Variants in RASSF8 observed in about 807,000 individuals in gnomAD.
RASSF8 encodes the protein Ras association domain family member 8.
RASSF8 carries 22 observed loss-of-function variants against 48.5 expected under a neutral mutation model. The ratio of observed to expected loss-of-function variants is 0.45; its 90% CI spans 0.32 to 0.65. The LOEUF is 0.65. Ranked by LOEUF, RASSF8 falls within the 30% of genes least tolerant of loss-of-function variation. The probability of loss-of-function intolerance (pLI) is 0.03; values close to 1 mark genes in which losing one functional copy is unlikely to be tolerated. For synonymous variants in RASSF8, 127 were observed against 171.5 expected (o/e 0.74, Z 2.03); for missense variants, 418 against 489.2 (o/e 0.85, Z 1.37).
chr12:26,055,300 C>T lies in RASSF8; in HGVS notation c.-44C>T. ...GCAGCTAGAGACATGACCTAACACCCTGATGACCACTCTCAGGGACCTTGA... is the reference window on the plus strand; with the variant it reads ...GCAGCTAGAGACATGACCTAACACCTTGATGACCACTCTCAGGGACCTTGA... On this transcript the variant is annotated 5_prime_UTR_variant, in exon 3 of 6. Transcript: ENST00000689635. 1 of 1,509,876 alleles carries T rather than the reference C, an allele frequency of 6.6e-7. No individual in the cohort carries two copies. The highest frequency in any genetic ancestry group is 9.2e-7 in the Non-Finnish European group (1 of 1,085,138). 93.5% of individuals were successfully genotyped at this position (1,509,876 alleles called of 1,614,324 possible). A position where few individuals can be genotyped will look rare whatever the true frequency, so the allele number is the denominator to read the frequency against.
At chr12:26,078,920 AAGAC>A in intron 5 of RASSF8, 1 of 1,004,214 alleles carries the variant, frequency 1.0e-6, no homozygotes, top group Non-Finnish European at 1.3e-6. Flanking sequence ...GCTAACCGAA[AAGAC>A]AAAGACCCAA....
At chr12:26,079,665 A>G (rs1944101207) in exon 6 of RASSF8, 1 of 152,180 alleles carries the variant, frequency 6.6e-6, no homozygotes, top group Admixed American at 6.6e-5. Context: ...AGTGCTCAAC[A>G]TCACTGATCA....
intron 2 of RASSF8, among the ~76,000 whole-genome samples, chr12:26,032,115 A>G (rs753607036): frequency 2.0e-5 from 3 of 152,154 alleles, no homozygotes; most frequent in Non-Finnish European, 4.4e-5. Flanking sequence ...GGAATTTTCC[A>G]TTGAGCTTGC....
At chr12:26,074,263 G>A (rs1237015258), downstream of RASSF8, among the ~76,000 whole-genome samples, 2 of 152,124 alleles carry the variant, frequency 1.3e-5, no homozygotes, top group East Asian at 1.9e-4. Flanking sequence ...TGCTGGATGC[G>A]TTTATACTTT....
intron 2 of RASSF8, among the ~76,000 whole-genome samples, chr12:26,037,039 G>A (rs1943168035): frequency 6.6e-6 from 1 of 152,106 alleles, no homozygotes; most frequent in African/African-American, 2.4e-5. Flanking sequence ...ACTATTAACA[G>A]TATTGGTTGG....
chr12:25,981,621 A>G (rs979941952), intron 1 of RASSF8, among the ~76,000 whole-genome samples: 1 of 152,244 alleles, frequency 6.6e-6, no homozygotes, highest in Non-Finnish European at 1.5e-5. Flanking sequence ...GTCACCCTGC[A>G]TAATGTTAAT....
intron 2 of RASSF8, among the ~76,000 whole-genome samples, chr12:26,015,846 C>G (rs1375309585): frequency 1.6e-5 from 2 of 127,396 alleles, no homozygotes; most frequent in Non-Finnish European, 3.7e-5. Flanking sequence ...TCTCTTTTTT[C>G]TTTATTGATA....
In RASSF8 at chr12:26,020,129, T is replaced by C. The variant is rs147920757; in HGVS notation, c.-109+24999T>C. 2.2e-4 allele frequency: 33 copies of C among 152,276 alleles called. 1 individual carries two copies. The highest frequency in any genetic ancestry group is 7.5e-4 in the African/African-American group (31 of 41,550). The allele number at this position is 152,276 out of a possible 1,614,324, so 9.4% of individuals were successfully genotyped here. A position where few individuals can be genotyped will look rare whatever the true frequency, so the allele number is the denominator to read the frequency against. On this transcript the variant is annotated intron_variant, in intron 2 of 5. Transcript: ENST00000689635. ...AAGAGGGACTTACCCTGAATTATCT[T>C]GGTGGGTCCTTACAGGAGAGTGGTA...
intron 1 of RASSF8, among the ~76,000 whole-genome samples, chr12:25,974,507 T>C (rs1941559774): frequency 6.6e-6 from 1 of 152,128 alleles, no homozygotes; most frequent in South Asian, 2.1e-4. Flanking sequence ...CTTTTTTTTT[T>C]TTTTTTAAGC....
In RASSF8 at chr12:26,071,886, C is replaced by G; in HGVS notation, c.*3068C>G. On this transcript the variant is annotated 3_prime_UTR_variant, in exon 6 of 6. Transcript: ENST00000689635. The stretch of plus-strand genomic sequence containing the variant: ...TATAACAAGAACATGTAAGCACTTG[C>G]TTCCACAGCATAAATGTAATTTACA... 1 of 984,960 alleles carries G rather than the reference C, an allele frequency of 1.0e-6. No individual in the cohort carries two copies. Among genetic ancestry groups the G allele is most frequent in the Non-Finnish European group, 1.2e-6 (1 of 829,558 alleles). The allele number at this position is 984,960 out of a possible 1,614,324, so 61.0% of individuals were successfully genotyped here. A position where few individuals can be genotyped will look rare whatever the true frequency, so the allele number is the denominator to read the frequency against.
intron 2 of RASSF8, among the ~76,000 whole-genome samples, chr12:26,003,973 T>C (rs1351907283): frequency 2.0e-5 from 3 of 152,080 alleles, no homozygotes; most frequent in Non-Finnish European, 4.4e-5. Flanking sequence ...ACCCAGGAGT[T>C]TGAGACCAGA....
At chr12:26,058,536 GCGCACACACA>G (rs1565642252) in intron 3 of RASSF8, among the ~76,000 whole-genome samples, 1 of 83,426 alleles carries the variant, frequency 1.2e-5, no homozygotes, top group Admixed American at 1.3e-4. Flanking sequence ...GCACGCGCGC[GCGCACACACA>G]CACACACACA....
At chr12:26,002,664 A>C (rs1462654967) in intron 2 of RASSF8, among the ~76,000 whole-genome samples, 1 of 152,092 alleles carries the variant, frequency 6.6e-6, no homozygotes, top group East Asian at 1.9e-4. Context: ...AATTTCAGCT[A>C]CTCAGGAGGC....
At chr12:25,987,639 A>G (rs190247304) in intron 1 of RASSF8, among the ~76,000 whole-genome samples, 5 of 152,334 alleles carry the variant, frequency 3.3e-5, no homozygotes, top group East Asian at 1.9e-4. Flanking sequence ...AACATACATT[A>G]TGCAACAGCT....
Position 26,071,068 on chromosome 12 carries a change from C to G in RASSF8, c.*2250C>G. 1.0e-6 allele frequency: 1 copy of G among 982,344 alleles called. No homozygotes were observed. The highest frequency in any genetic ancestry group is 1.2e-6 in the Non-Finnish European group (1 of 827,218). The allele number at this position is 982,344 out of a possible 1,614,324, so 60.9% of individuals were successfully genotyped here. On this transcript the variant is annotated 3_prime_UTR_variant, in exon 6 of 6. Coordinates refer to ENST00000689635, the MANE Select transcript of RASSF8 (RefSeq NM_001394098.1). Reference sequence around the variant, plus strand: ...CTAATTACAGATTTAAAAAAATTTCCTAGGCGACGAAAGTATAGAAATGTG... The same window carrying G: ...CTAATTACAGATTTAAAAAAATTTCGTAGGCGACGAAAGTATAGAAATGTG...
intron 2 of RASSF8, among the ~76,000 whole-genome samples, chr12:26,028,184 T>A (rs1370938956): frequency 1.6e-5 from 2 of 128,678 alleles, no homozygotes; most frequent in Admixed American, 1.4e-4. Context: ...AGTGTTTCAC[T>A]CAGAACTTCA....
At chr12:26,007,104 G>A (rs1942410044) in intron 2 of RASSF8, among the ~76,000 whole-genome samples, 1 of 151,992 alleles carries the variant, frequency 6.6e-6, no homozygotes, top group Admixed American at 6.6e-5. Flanking sequence ...TTGGCCGGAG[G>A]GAGGAGGTGC....
At chr12:25,967,135 A>T (rs1774909031) in intron 1 of RASSF8, among the ~76,000 whole-genome samples, 1 of 152,224 alleles carries the variant, frequency 6.6e-6, no homozygotes, top group Non-Finnish European at 1.5e-5. Context: ...GTTAATTATC[A>T]CAGCTGGATG....
At chr12:26,059,206 C>T (rs187674018) in intron 3 of RASSF8, among the ~76,000 whole-genome samples, 58 of 151,982 alleles carry the variant, frequency 3.8e-4, no homozygotes, top group African/African-American at 1.4e-3. Flanking sequence ...GAGCTTAACA[C>T]AGAAATAAAA....
Sources: gnomAD v4.1 joint callset for allele counts (sites outside exome capture counted in the v4.1 genomes callset) on GRCh38, gnomAD v4.1.1 for gene constraint, MANE v1.5 for transcripts, NCBI Gene and HGNC (gene_info 2026-07-23, HGNC 2026-07-21) for gene names.